COG5: variants seen among roughly 807,000 people sequenced by gnomAD.
The protein encoded by COG5 is conserved oligomeric Golgi complex subunit 5.
In COG5, 86 loss-of-function variants were observed where a neutral mutation model predicts 110.4. The ratio of observed to expected loss-of-function variants is 0.78; its 90% CI spans 0.65 to 0.93. The LOEUF is 0.93. COG5 is among the 40% of genes least tolerant of loss of function. The pLI is 0.00. For synonymous variants in COG5, 360 were observed against 334.6 expected (o/e 1.08, Z -0.83); for missense variants, 1,077 against 987.0 (o/e 1.09, Z -1.22).
chr7:107,431,289 A>C (rs1256313233), intron 6 of COG5, among the ~76,000 whole-genome samples: 1 of 152,250 alleles, frequency 6.6e-6, no homozygotes, highest in Non-Finnish European at 1.5e-5. Context: ...AAAAAGAATG[A>C]AATTTGAAAA....
At chr7:107,370,632 A>G (rs1447584633) in intron 8 of COG5, among the ~76,000 whole-genome samples, 2 of 151,952 alleles carry the variant, frequency 1.3e-5, no homozygotes, top group Non-Finnish European at 2.9e-5. Context: ...CTAAAAATAT[A>G]AAAATTAGCT....
chr7:107,354,203 A>C (rs116081924), intron 10 of COG5, among the ~76,000 whole-genome samples: 4 of 152,228 alleles, frequency 2.6e-5, no homozygotes, highest in Admixed American at 2.0e-4. Flanking sequence ...CCTTGACATT[A>C]GTTTATTTAA....
chr7:107,242,017 A>G (rs1208282621), intron 17 of COG5, among the ~76,000 whole-genome samples: 1 of 152,064 alleles, frequency 6.6e-6, no homozygotes, highest in East Asian at 1.9e-4. Context: ...CCTGAGCTCA[A>G]GCAGTCTGCC....
intron 6 of COG5, among the ~76,000 whole-genome samples, chr7:107,420,077 C>T (rs952815610): frequency 6.6e-6 from 1 of 152,014 alleles, no homozygotes; most frequent in African/African-American, 2.4e-5. Flanking sequence ...TTATTTCTTA[C>T]AAAAATTTTA....
At chr7:107,249,348 CA>C (rs1280194931) in intron 16 of COG5, among the ~76,000 whole-genome samples, 1 of 151,988 alleles carries the variant, frequency 6.6e-6, no homozygotes. Context: ...GAATACAGAA[CA>C]GCCCCTATAA....
chr7:107,458,087 A>G (rs1276478098), intron 6 of COG5, among the ~76,000 whole-genome samples: 4 of 152,230 alleles, frequency 2.6e-5, no homozygotes, highest in African/African-American at 9.6e-5. Flanking sequence ...GCCATAAAAC[A>G]ACAAAACATT....
chr7:107,482,594 C>T (rs1174112809), intron 6 of COG5, among the ~76,000 whole-genome samples: 1 of 129,540 alleles, frequency 7.7e-6, no homozygotes, highest in Non-Finnish European at 1.8e-5. Context: ...TCAGACTGTA[C>T]TGCCTTCTTG....
At chr7:107,563,514 G>T (rs2129183769) in intron 1 of COG5, 7 of 467,294 alleles carry the variant, frequency 1.5e-5, no homozygotes, top group South Asian at 1.4e-4. Flanking sequence ...CAGGGTTTGG[G>T]CTCCCGAAAC....
At chr7:107,378,868 A>T (rs1814856478) in intron 7 of COG5, among the ~76,000 whole-genome samples, 1 of 152,200 alleles carries the variant, frequency 6.6e-6, no homozygotes, top group Non-Finnish European at 1.5e-5. Context: ...TATCCAGGAG[A>T]ACTTCCCCAA....
chr7:107,470,022 T>C (rs544098352), intron 6 of COG5: 1 of 152,274 alleles, frequency 6.6e-6, no homozygotes, highest in South Asian at 2.1e-4. Context: ...ATACACTGCA[T>C]CTCTCTGCAG....
chr7:107,473,844 A>G (rs1456739950), intron 6 of COG5, among the ~76,000 whole-genome samples: 1 of 152,018 alleles, frequency 6.6e-6, no homozygotes, highest in Non-Finnish European at 1.5e-5. Flanking sequence ...TTCAAAAGGA[A>G]AACACAATTT....
intron 7 of COG5, among the ~76,000 whole-genome samples, chr7:107,387,555 G>A (rs1055816115): frequency 5.3e-5 from 8 of 152,202 alleles, no homozygotes; most frequent in Non-Finnish European, 1.2e-4. Flanking sequence ...TCTGATGATG[G>A]CCACTGTTCT....
intron 19 of COG5, among the ~76,000 whole-genome samples, chr7:107,224,446 T>C (rs1175577742): frequency 6.6e-6 from 1 of 152,140 alleles, no homozygotes; most frequent in Non-Finnish European, 1.5e-5. Flanking sequence ...ACAGCCCCTA[T>C]CTCCTGACAG....
At chr7:107,396,916 C>T (rs570887156) in intron 7 of COG5, among the ~76,000 whole-genome samples, 111 of 152,172 alleles carry the variant, frequency 7.3e-4, no homozygotes, top group African/African-American at 2.6e-3. Context: ...GCCATAAAAA[C>T]ATAGCTTATT....
At chr7:107,307,679 T>C (rs1183879976) in intron 11 of COG5, among the ~76,000 whole-genome samples, 1 of 152,172 alleles carries the variant, frequency 6.6e-6, no homozygotes, top group East Asian at 1.9e-4. Context: ...AAATATTGTA[T>C]GTTCTCACTT....
intron 5 of COG5, among the ~76,000 whole-genome samples, chr7:107,546,435 GTTT>G (rs754919944): frequency 8.4e-6 from 1 of 119,484 alleles, no homozygotes; most frequent in Non-Finnish European, 1.7e-5. Flanking sequence ...TTGGTTTTTT[GTTT>G]TTTTTTTTTT....
At chr7:107,259,027 T>A (rs1803108698) in intron 14 of COG5, among the ~76,000 whole-genome samples, 1 of 152,054 alleles carries the variant, frequency 6.6e-6, no homozygotes, top group Non-Finnish European at 1.5e-5. Context: ...GTAGACGTGG[T>A]ATTAAAAACT....
At chr7:107,361,724 G>A (rs1306142779) in intron 10 of COG5, among the ~76,000 whole-genome samples, 6 of 152,100 alleles carry the variant, frequency 3.9e-5, no homozygotes, top group Non-Finnish European at 5.9e-5. Flanking sequence ...ACCACGCCCG[G>A]CTAATTTTTG....
rs377258270 is a variant in COG5 at position 107,270,385 on chromosome 7, CCAAGTAT to C, written c.1575+10908_1575+10914del. 4.6e-3 allele frequency among the ~76,000 whole-genome samples: 698 copies of C among 151,924 alleles called. 7 individuals are homozygous for C. The highest frequency in any genetic ancestry group is 0.016 in the African/African-American group (672 of 41,406). On this transcript the variant is annotated intron_variant, in intron 14 of 21. Coordinates refer to ENST00000297135, the MANE Select transcript of COG5 (RefSeq NM_006348.5). Reference sequence around the variant, plus strand: ...AAGTGATCCTTCCTGCCTCAGCTTCCCAAGTATCTGGGACATCAGATATGTGCCACCA... The same window carrying C: ...AAGTGATCCTTCCTGCCTCAGCTTCCCTGGGACATCAGATATGTGCCACCA...
Sources: gnomAD v4.1 joint callset for allele counts (sites outside exome capture counted in the v4.1 genomes callset) on GRCh38, gnomAD v4.1.1 for gene constraint, MANE v1.5 for transcripts, NCBI Gene and HGNC (gene_info 2026-07-23, HGNC 2026-07-21) for gene names.